ROCK2: variants seen among roughly 807,000 people sequenced by gnomAD.
ROCK2 encodes rho-associated protein kinase 2.
In ROCK2, 61 loss-of-function variants were observed where a neutral mutation model predicts 195.1. The observed-to-expected ratio is 0.31, with a 90% CI of 0.25 to 0.39. The LOEUF (loss-of-function observed/expected upper bound fraction) is 0.39, where lower values mean the gene tolerates loss of function less well. Ranked by LOEUF, ROCK2 falls within the 10% of genes least tolerant of loss-of-function variation. The pLI is 1.00. For missense variants in ROCK2, 1,109 were observed against 1,637.4 expected (o/e 0.68, Z 5.57); for synonymous variants, 504 against 545.5 (o/e 0.92, Z 1.06).
chr2:11,202,275 T>A (rs1260192190), intron 20 of ROCK2, among the ~76,000 whole-genome samples, 154 bp from the exon 21 acceptor site: 2 of 151,932 alleles, frequency 1.3e-5, no homozygotes, highest in Non-Finnish European at 2.9e-5. Flanking sequence ...AGCACCATGG[T>A]TTTTTTTAAA....
intron 6 of ROCK2, 31 bp from the exon 7 acceptor site, chr2:11,224,491 T>G: frequency 6.3e-7 from 1 of 1,597,656 alleles, no homozygotes; most frequent in Non-Finnish European, 8.5e-7. Context: ...ATACTGAATG[T>G]AACAGAGAAT....
chr2:11,229,930 A>G (rs973862763), intron 5 of ROCK2, among the ~76,000 whole-genome samples: 2 of 152,180 alleles, frequency 1.3e-5, no homozygotes, highest in Non-Finnish European at 2.9e-5. Flanking sequence ...AAGAAATTAC[A>G]AAAAAGAAAG....
At chr2:11,271,343 C>T (rs1172337661) in intron 3 of ROCK2, among the ~76,000 whole-genome samples, 1 of 152,140 alleles carries the variant, frequency 6.6e-6, no homozygotes, top group African/African-American at 2.4e-5. Flanking sequence ...ACTGGGTCCC[C>T]TGCAAGTTTT....
At position 11,235,693 on chromosome 2, in the gene ROCK2, C is replaced by T. The variant is rs1305384335; in HGVS notation, c.723+9G>A. The T allele has an allele frequency of 1.3e-6, 2 of 1,595,464 alleles. No homozygotes were observed. Among genetic ancestry groups the T allele is most frequent in the East Asian group, 2.2e-5 (1 of 44,674 alleles). ...AAACACTATCGTTTTAAATAATTTG[C>T]TTACTTACTTCATCCATCTTCATAC... On this transcript the variant is annotated intron_variant, in intron 5 of 32. Coordinates refer to ENST00000315872, the MANE Select transcript of ROCK2 (RefSeq NM_004850.5). This position sits in a 1 kb window ranked among gnomAD's most constrained non-coding sequence, Gnocchi z 4.2.
chr2:11,206,995 A>T (rs1315674138), intron 20 of ROCK2, among the ~76,000 whole-genome samples: 1 of 152,212 alleles, frequency 6.6e-6, no homozygotes, highest in East Asian at 1.9e-4. Flanking sequence ...AACAACCGGG[A>T]TCCAATATGA....
rs764352065 is a variant in ROCK2 at position 11,192,707 on chromosome 2, C to T, written c.3693G>A (p.Leu1231=). 5 of 1,610,990 alleles carry T rather than the reference C, an allele frequency of 3.1e-6. No homozygotes were observed. The highest frequency in any genetic ancestry group is 1.1e-5 in the South Asian group (1 of 90,872). The part of the protein sequence containing the change: ...AKEIPRIFQI[L]YANEGESKKE... Reference sequence around the variant, plus strand: ...TCTTACTTTCTCCTTCATTGGCATACAGAATCTATGAATGCCAAAAGAACA... The same window carrying T: ...TCTTACTTTCTCCTTCATTGGCATATAGAATCTATGAATGCCAAAAGAACA... The change falls in exon 31 of 33, where the codon CTG becomes CTA. Residue 1231 remains leucine, a synonymous_variant. Transcript: ENST00000315872. The surrounding 1 kb of genome is among the most constrained non-coding windows in gnomAD (Gnocchi z 5.0).
intron 32 of ROCK2, among the ~76,000 whole-genome samples, chr2:11,187,912 T>C (rs1378015763): frequency 1.3e-5 from 2 of 152,160 alleles, no homozygotes; most frequent in Non-Finnish European, 2.9e-5. Flanking sequence ...AAGATAATAA[T>C]GACACAATAG....
intron 1 of ROCK2, among the ~76,000 whole-genome samples, chr2:11,291,210 A>G (rs1667352793): frequency 6.6e-6 from 1 of 152,262 alleles, no homozygotes; most frequent in African/African-American, 2.4e-5. Context: ...CAAGAAATGA[A>G]GTATTGAACT....
chr2:11,275,695 CTTTTTTTTTTT>C (rs70953379), intron 3 of ROCK2, among the ~76,000 whole-genome samples: 5 of 110,208 alleles, frequency 4.5e-5, no homozygotes, highest in South Asian at 6.0e-4. Context: ...ATTCAACAAT[CTTTTTTTTTTT>C]TTTTTTTTTT....
intron 9 of ROCK2, 27 bp from the exon 10 acceptor site, chr2:11,219,053 T>A: frequency 7.8e-7 from 1 of 1,286,082 alleles, no homozygotes; most frequent in Non-Finnish European, 1.1e-6. Context: ...AGAAAATAAA[T>A]TTTTTCATTT....
Position 11,235,716 on chromosome 2 carries a change from T to C in ROCK2, c.709A>G (p.Met237Val). 4 of 1,611,892 alleles carry C rather than the reference T, an allele frequency of 2.5e-6. No homozygotes were observed. Among genetic ancestry groups the C allele is most frequent in the Non-Finnish European group, 3.4e-6 (4 of 1,179,100 alleles). Reference protein sequence around the residue: ...HLKLADFGTCMKMDETGMVHC... With the variant: ...HLKLADFGTCVKMDETGMVHC... ...TGCTTACTTACTTCATCCATCTTCA[T>C]ACACGTGCCAAAATCTGCTAATTTT... is the stretch of plus-strand genomic sequence containing the variant. The change falls in exon 5 of 33, where the codon ATG becomes GTG. Residue 237 changes from methionine (M) to valine (V), a missense_variant. Transcript: ENST00000315872. This position sits in a 1 kb window ranked among gnomAD's most constrained non-coding sequence, Gnocchi z 4.2.
intron 1 of ROCK2, among the ~76,000 whole-genome samples, chr2:11,320,075 TA>T (rs1347689252): frequency 2.0e-5 from 3 of 152,082 alleles, no homozygotes; most frequent in Non-Finnish European, 2.9e-5. Context: ...CACCAGCTGT[TA>T]AAAGGCAATG....
In ROCK2 at chr2:11,344,605, C is replaced by T. The variant is rs1195391311; in HGVS notation, c.-469G>A. Reference sequence around the variant, plus strand: ...GCCTTGCAGTCCCTCAGCCAGCTCCCGGCGCACACACTCCCGCGCGGCCGC... The same window carrying T: ...GCCTTGCAGTCCCTCAGCCAGCTCCTGGCGCACACACTCCCGCGCGGCCGC... On this transcript the variant is annotated 5_prime_UTR_variant, in exon 1 of 33. Transcript: ENST00000315872. The surrounding 1 kb of genome is among the most constrained non-coding windows in gnomAD (Gnocchi z 5.4). 3 of 262,956 alleles carry T rather than the reference C, an allele frequency of 1.1e-5. No homozygotes were observed. The highest frequency in any genetic ancestry group is 2.2e-4 in the East Asian group (1 of 4,646). 16.3% of individuals were successfully genotyped at this position (262,956 alleles called of 1,614,324 possible).
At chr2:11,321,122 T>C (rs1041646906) in intron 1 of ROCK2, among the ~76,000 whole-genome samples, 4 of 152,108 alleles carry the variant, frequency 2.6e-5, no homozygotes, top group Admixed American at 2.6e-4. Flanking sequence ...AAAAATTAGC[T>C]CTAGATTAAC....
In ROCK2 at chr2:11,288,964, A is replaced by ATACTATG. The variant is rs570106178; in HGVS notation, c.142-1235_142-1229dup. Among the ~76,000 whole-genome samples, 55 of 152,290 alleles carry ATACTATG rather than the reference A, an allele frequency of 3.6e-4. No individual in the cohort carries two copies. In the South Asian group the frequency reaches 0.011, roughly 31 times the overall value. ...TCTACTAATCCTAGAATAACTGTAC[A>ATACTATG]TACTATGCTTGCCACTCAGTTATAG... On this transcript the variant is annotated intron_variant, in intron 1 of 32. Coordinates refer to ENST00000315872, the MANE Select transcript of ROCK2 (RefSeq NM_004850.5).
chr2:11,259,292 G>A (rs552842832), intron 3 of ROCK2, among the ~76,000 whole-genome samples: 2 of 94,250 alleles, frequency 2.1e-5, no homozygotes, highest in South Asian at 8.5e-4. Flanking sequence ...GATCACTAGG[G>A]TAAAGACCAG....
rs753624880 is a variant in ROCK2 at position 11,207,814 on chromosome 2, T to G, written c.2461A>C (p.Lys821Gln). 1 of 1,613,014 alleles carries G rather than the reference T, an allele frequency of 6.2e-7. No individual in the cohort carries two copies. The highest frequency in any genetic ancestry group is 1.1e-5 in the South Asian group (1 of 90,958). Residue 821 changes from lysine to glutamine, a missense_variant, in exon 20 of 33, where the codon AAA (lysine) becomes CAA (glutamine). By Grantham distance (53) the Lys-to-Gln change is moderately conservative. Transcript: ENST00000315872. ...KMQTQQVNTL[K>Q]MSEKQLKQEN... ...TGCTTTAACTGCTTTTCTGACATTT[T>G]TAGTGTGTTAACCTGTTGTGTTTGC... is the stretch of plus-strand genomic sequence containing the variant.
intron 3 of ROCK2, among the ~76,000 whole-genome samples, chr2:11,269,264 C>T (rs918857591): frequency 2.0e-5 from 3 of 152,144 alleles, no homozygotes; most frequent in Non-Finnish European, 2.9e-5. Context: ...GTAATATCAG[C>T]ACTTTGGGAG....
chr2:11,201,476 A>G lies in ROCK2; in HGVS notation c.2620-63T>C. On this transcript the variant is annotated intron_variant, in intron 21 of 32. Coordinates refer to ENST00000315872, the MANE Select transcript of ROCK2 (RefSeq NM_004850.5). The surrounding 1 kb of genome is among the most constrained non-coding windows in gnomAD (Gnocchi z 4.6). ...CAGAAATATTACTTCTACATTCAAA[A>G]GCTATTCAGACAAAAAGGAGAATGA... The G allele has an allele frequency of 1.1e-6, 1 of 898,466 alleles. No homozygotes were observed. 55.7% of individuals were successfully genotyped at this position (898,466 alleles called of 1,614,324 possible).
Sources: gnomAD v4.1 joint callset for allele counts (sites outside exome capture counted in the v4.1 genomes callset) on GRCh38, gnomAD v4.1.1 for gene constraint, Gnocchi (gnomAD v3.1) non-coding constraint, MANE v1.5 for transcripts, NCBI Gene and HGNC (gene_info 2026-07-23, HGNC 2026-07-21) for gene names.